Variants in IQCH observed in about 807,000 individuals in gnomAD.
The protein encoded by IQCH is IQ domain-containing protein H.
Under a neutral mutation model 117.0 loss-of-function variants are expected in IQCH, and 98 were observed. The observed-to-expected ratio is 0.84, with a 90% CI of 0.71 to 0.99. The LOEUF (loss-of-function observed/expected upper bound fraction) is 0.99, where lower values mean the gene tolerates loss of function less well. Ranked by LOEUF, IQCH falls within the 50% of genes least tolerant of loss-of-function variation. The probability of loss-of-function intolerance (pLI) is 0.00; values close to 1 mark genes in which losing one functional copy is unlikely to be tolerated. For synonymous variants in IQCH, 412 were observed against 448.2 expected, an observed-to-expected ratio of 0.92 and a Z score of 1.02; for missense variants, 1,102 against 1,243.8, an observed-to-expected ratio of 0.89 and a Z score of 1.72.
At chr15:67,259,092 A>C (rs996861591) in intron 1 of IQCH, among the ~76,000 whole-genome samples, 3 of 152,352 alleles carry the variant, frequency 2.0e-5, no homozygotes, top group African/African-American at 4.8e-5. Context: ...GAGTTTCACT[A>C]GGTTTTATAA....
chr15:67,287,790 G>GT (rs1390483064), intron 4 of IQCH, among the ~76,000 whole-genome samples: 1 of 151,608 alleles, frequency 6.6e-6, no homozygotes, highest in Non-Finnish European at 1.5e-5. Context: ...TTTGGGTTTG[G>GT]TTTTCTCTTG....
intron 10 of IQCH, among the ~76,000 whole-genome samples, chr15:67,378,295 A>G (rs1376964887): frequency 2.0e-5 from 3 of 151,896 alleles, no homozygotes; most frequent in Non-Finnish European, 2.9e-5. Context: ...ACCCAGTTCA[A>G]TGCTGCTTTT....
At chr15:67,266,429 G>A (rs1295854950) in intron 3 of IQCH, among the ~76,000 whole-genome samples, 1 of 151,988 alleles carries the variant, frequency 6.6e-6, no homozygotes, top group Non-Finnish European at 1.5e-5. Flanking sequence ...GGCCAAGGCG[G>A]GCGGATCACG....
rs183039300 is a variant in IQCH, at chr15:67,414,345, G to A, written c.2098-2586G>A. 3.9e-4 allele frequency among the ~76,000 whole-genome samples: 60 copies of A among 152,288 alleles called. 1 individual carries two copies. The highest frequency in any genetic ancestry group is 3.4e-3 in the Middle Eastern group (1 of 294). On this transcript the variant is annotated intron_variant, in intron 14 of 20. Transcript: ENST00000335894. ...CAGCCCCAAGAGAGCTGGAGAGCAC[G>A]GAGAAAGCTTTCTCTCCCAATTGAA...
In IQCH at chr15:67,372,205, ACTT is replaced by A. The variant is rs767680423; in HGVS notation, c.852_854del (p.Phe284del). 12 of 1,613,946 alleles carry A rather than the reference ACTT, an allele frequency of 7.4e-6. No homozygotes were observed. In the East Asian group the frequency reaches 2.5e-4, roughly 33 times the overall value. Reference sequence around the variant, plus strand: ...GGTGTCATAGACAATACAGCCCCAGACTTCTTAGCATTCAAGGAACATTTTAGC... The same window carrying A: ...GGTGTCATAGACAATACAGCCCCAGACTTAGCATTCAAGGAACATTTTAGC... On this transcript the variant is annotated inframe_deletion, in exon 9 of 21. Coordinates refer to ENST00000335894, the MANE Select transcript of IQCH (RefSeq NM_001031715.3).
chr15:67,299,299 G>T (rs750230037), intron 4 of IQCH, among the ~76,000 whole-genome samples: 4 of 151,828 alleles, frequency 2.6e-5, no homozygotes, highest in Non-Finnish European at 5.9e-5. Flanking sequence ...TGGGGAGAAG[G>T]GGGGATAGTT....
intron 3 of IQCH, among the ~76,000 whole-genome samples, chr15:67,264,895 G>A (rs1567047894): frequency 2.0e-5 from 3 of 150,782 alleles, no homozygotes; most frequent in East Asian, 2.0e-4. Context: ...CCTACCATAT[G>A]TATATATATA....
chr15:67,494,393 T>C lies in IQCH; in HGVS notation c.2970+27T>C, dbSNP rs1355081598. ...TGAGGTGTTAATTAACTAACGATTC[T>C]GGTTAATTTCTATACAAGGGCTGAA... On this transcript the variant is annotated intron_variant, in intron 20 of 20. Coordinates refer to ENST00000335894, the MANE Select transcript of IQCH (RefSeq NM_001031715.3). This position sits in a 1 kb window ranked among gnomAD's most constrained non-coding sequence, Gnocchi z 5.5. 6.7e-7 allele frequency: 1 copy of C among 1,499,312 alleles called. No individual in the cohort carries two copies. The highest frequency in any genetic ancestry group is 2.3e-5 in the East Asian group (1 of 44,314). The allele number at this position is 1,499,312 out of a possible 1,614,324, so 92.9% of individuals were successfully genotyped here. A position where few individuals can be genotyped will look rare whatever the true frequency, so the allele number is the denominator to read the frequency against.
chr15:67,363,416 T>G (rs1165960643), intron 8 of IQCH, among the ~76,000 whole-genome samples: 2 of 151,872 alleles, frequency 1.3e-5, no homozygotes, highest in African/African-American at 4.8e-5. Flanking sequence ...TTTTTTTTTT[T>G]TGTATTTTTA....
intron 1 of IQCH, 60 bp downstream of exon 1, chr15:67,255,007 C>A (rs1221704987): frequency 7.8e-6 from 12 of 1,532,128 alleles, no homozygotes; most frequent in Non-Finnish European, 1.1e-5. Context: ...CGAGCGAGGT[C>A]CCGCGCGCCG....
At chr15:67,254,996 C>G (rs1316540092) in intron 1 of IQCH, 49 bp downstream of exon 1, 1 of 1,566,122 alleles carries the variant, frequency 6.4e-7, no homozygotes, top group South Asian at 1.1e-5. Flanking sequence ...CGCGCCACTT[C>G]CGAGCGAGGT....
At position 67,460,400 on chromosome 15, in the gene IQCH, CTT is replaced by C. The variant is rs1238142071; in HGVS notation, c.2506-4725_2506-4724del. 7.9e-5 allele frequency among the ~76,000 whole-genome samples: 12 copies of C among 152,306 alleles called. No homozygotes were observed. In the East Asian group the frequency reaches 2.1e-3, roughly 27 times the overall value. On this transcript the variant is annotated intron_variant, in intron 16 of 20. Transcript: ENST00000335894. ...AGCTGAAGTCATGTTGCTTGTGTAA[CTT>C]TCTATCCTCCTTTTGCTGTTTTGTG...
At chr15:67,266,687 C>T (rs1965688822) in intron 3 of IQCH, among the ~76,000 whole-genome samples, 1 of 152,080 alleles carries the variant, frequency 6.6e-6, no homozygotes, top group African/African-American at 2.4e-5. Context: ...AGACATCATA[C>T]TCTATACTTA....
chr15:67,495,879 T>C (rs1388205483), intron 20 of IQCH, among the ~76,000 whole-genome samples: 1 of 152,230 alleles, frequency 6.6e-6, no homozygotes, highest in Non-Finnish European at 1.5e-5. Context: ...ATCTCAGTAA[T>C]ATAGGTACAA....
chr15:67,377,658 G>A (rs1038093361), intron 10 of IQCH, among the ~76,000 whole-genome samples: 4 of 152,090 alleles, frequency 2.6e-5, no homozygotes, highest in African/African-American at 4.8e-5. Flanking sequence ...TAAATGAGAC[G>A]TGCCAAATAT....
chr15:67,392,974 T>C (rs1409430455), intron 12 of IQCH, among the ~76,000 whole-genome samples: 1 of 152,120 alleles, frequency 6.6e-6, no homozygotes, highest in African/African-American at 2.4e-5. Context: ...ACACAAAATT[T>C]ACCATTTTAA....
In IQCH at chr15:67,494,373, T is replaced by G; in HGVS notation, c.2970+7T>G. On this transcript the variant is annotated splice_region_variant and intron_variant, in intron 20 of 20. Transcript: ENST00000335894. This position sits in a 1 kb window ranked among gnomAD's most constrained non-coding sequence, Gnocchi z 5.5. The stretch of plus-strand genomic sequence containing the variant: ...AGGCGAGACCAATTTTAAGGTGAGG[T>G]GTTAATTAACTAACGATTCTGGTTA... 7.1e-5 allele frequency: 113 copies of G among 1,583,124 alleles called. No homozygotes were observed. The highest frequency in any genetic ancestry group is 9.0e-5 in the Non-Finnish European group (104 of 1,154,800).
chr15:67,272,888 T>C (rs1965960774), intron 3 of IQCH, among the ~76,000 whole-genome samples: 1 of 152,200 alleles, frequency 6.6e-6, no homozygotes, highest in African/African-American at 2.4e-5. Context: ...TGTTTTTTAA[T>C]TGGAGAACTA....
Position 67,427,121 on chromosome 15 carries a change from AAAAT to A in IQCH, c.2505+5551_2505+5554del, listed in dbSNP as rs1333709335. Among the ~76,000 whole-genome samples the A allele has an allele frequency of 3.9e-5, 6 of 152,206 alleles. No homozygotes were observed. Among genetic ancestry groups the A allele is most frequent in the South Asian group, 2.1e-4 (1 of 4,836 alleles). On this transcript the variant is annotated intron_variant, in intron 16 of 20. Coordinates refer to ENST00000335894, the MANE Select transcript of IQCH (RefSeq NM_001031715.3). The surrounding 1 kb of genome is among the most constrained non-coding windows in gnomAD (Gnocchi z 4.7). The stretch of plus-strand genomic sequence containing the variant: ...AAATAAAGTTTTATTGGAACACTAA[AAAAT>A]AAATAACTTCTCCAACAATGAGAAA...
Sources: allele counts gnomAD v4.1 joint callset (sites outside exome capture counted in the v4.1 genomes callset), GRCh38; gene constraint gnomAD v4.1.1; non-coding constraint Gnocchi (gnomAD v3.1); transcripts MANE v1.5; gene names NCBI Gene and HGNC (gene_info 2026-07-23, HGNC 2026-07-21).